Variants in DOCK1 observed in about 807,000 individuals in gnomAD.
DOCK1 encodes the protein dedicator of cytokinesis protein 1.
DOCK1 carries 138 observed loss-of-function variants against 262.7 expected under a neutral mutation model. The ratio of observed to expected loss-of-function variants is 0.53; its 90% CI spans 0.46 to 0.61. DOCK1 has a LOEUF of 0.61. DOCK1 is among the 20% of genes least tolerant of loss of function. The pLI, the probability that DOCK1 is intolerant of heterozygous loss-of-function variation, is 0.00. For synonymous variants in DOCK1, 866 were observed against 867.4 expected (o/e 1.00, Z 0.03); for missense variants, 1,908 against 2,370.7 (o/e 0.80, Z 4.05).
chr10:127,095,237 A>G (rs866987781), intron 23 of DOCK1, among the ~76,000 whole-genome samples: 3 of 152,072 alleles, frequency 2.0e-5, no homozygotes, highest in Admixed American at 6.5e-5. Context: ...GCTTTTTGCT[A>G]CGTGGTTTCT....
At chr10:127,443,439 C>T (rs1051862149) in intron 49 of DOCK1, among the ~76,000 whole-genome samples, 3 of 152,144 alleles carry the variant, frequency 2.0e-5, no homozygotes, top group Non-Finnish European at 4.4e-5. Flanking sequence ...TTATATTGGA[C>T]TGTTTTAAGC....
chr10:127,244,048 T>C (rs1306437551), intron 27 of DOCK1, among the ~76,000 whole-genome samples: 1 of 152,190 alleles, frequency 6.6e-6, no homozygotes, highest in East Asian at 1.9e-4. Context: ...GCATAATGTT[T>C]CTTGATTTAA....
intron 28 of DOCK1, among the ~76,000 whole-genome samples, chr10:127,249,364 C>CAT (rs1255775877): frequency 2.7e-5 from 4 of 150,514 alleles, no homozygotes; most frequent in Non-Finnish European, 5.9e-5. Flanking sequence ...CTTATATATA[C>CAT]ATATATATAC....
chr10:126,999,318 G>C (rs1270635146), intron 8 of DOCK1, 36 bp from the exon 9 acceptor site: 1 of 1,571,722 alleles, frequency 6.4e-7, no homozygotes, highest in South Asian at 1.1e-5. Flanking sequence ...CTGTTATTTG[G>C]AAAATTAACT....
At chr10:127,419,578 C>G (rs1412583977) in intron 45 of DOCK1, 88 bp from the exon 46 acceptor site, 5 of 1,276,330 alleles carry the variant, frequency 3.9e-6, no homozygotes, top group Non-Finnish European at 5.6e-6. Flanking sequence ...ATGCACAGCT[C>G]TATTCTCAGG....
chr10:127,195,529 C>A (rs1050001581), intron 27 of DOCK1, among the ~76,000 whole-genome samples: 1 of 152,064 alleles, frequency 6.6e-6, no homozygotes, highest in South Asian at 2.1e-4. Context: ...CTCATCCCCC[C>A]CCCGAAGTTA....
intron 44 of DOCK1, among the ~76,000 whole-genome samples, chr10:127,417,167 G>T (rs1385606428): frequency 6.6e-6 from 1 of 152,242 alleles, no homozygotes; most frequent in African/African-American, 2.4e-5. Context: ...TTGGGCATGG[G>T]TGGGGGCCCA....
At chr10:126,956,492 C>T (rs925975178) in intron 1 of DOCK1, among the ~76,000 whole-genome samples, 61 of 152,262 alleles carry the variant, frequency 4.0e-4, no homozygotes, top group African/African-American at 1.3e-3. Context: ...GAGCTGGGCC[C>T]GGCTGAGCTG....
intron 3 of DOCK1, among the ~76,000 whole-genome samples, chr10:126,981,339 C>T (rs555701729): frequency 6.6e-6 from 1 of 152,210 alleles, no homozygotes; most frequent in African/African-American, 2.4e-5. Context: ...TTCTCTTGGG[C>T]TCACATGTGC....
chr10:127,085,547 C>T (rs1224208798), intron 23 of DOCK1, among the ~76,000 whole-genome samples: 1 of 152,142 alleles, frequency 6.6e-6, no homozygotes, highest in Non-Finnish European at 1.5e-5. Flanking sequence ...ATCACGAGGT[C>T]AGGAGATTGA....
intron 29 of DOCK1, among the ~76,000 whole-genome samples, chr10:127,260,794 C>G (rs1382446593): frequency 1.1e-5 from 1 of 91,450 alleles, no homozygotes; most frequent in Non-Finnish European, 2.1e-5. Context: ...TGTGTGTGTA[C>G]CCGTGCTCAT....
At chr10:127,203,562 C>T (rs561265946) in intron 27 of DOCK1, among the ~76,000 whole-genome samples, 145 of 150,964 alleles carry the variant, frequency 9.6e-4, no homozygotes, top group Non-Finnish European at 1.8e-3. Context: ...GGGAAAAGTA[C>T]AGAATTAAAA....
chr10:127,381,321 T>G lies in DOCK1; in HGVS notation c.3760T>G (p.Tyr1254Asp). The change falls in exon 37 of 52, where the codon TAC becomes GAC. Residue 1254 changes from tyrosine (Y) to aspartate (D), a missense_variant. Physicochemically the swap from Tyr to Asp is radical, Grantham distance 160. Coordinates refer to ENST00000623213, the MANE Select transcript of DOCK1 (RefSeq NM_001290223.2). ...LCDLHKECDN[Y>D]TEAAYTLLLH... ...TGACCTGCACAAGGAGTGTGATAAC[T>G]ACACCGAAGCGGCTTACACCTTGCT... The G allele has an allele frequency of 6.2e-7, 1 of 1,613,302 alleles. No homozygotes were observed. Among genetic ancestry groups the G allele is most frequent in the Non-Finnish European group, 8.5e-7 (1 of 1,179,424 alleles).
intron 19 of DOCK1, among the ~76,000 whole-genome samples, chr10:127,039,636 G>T (rs914143878): frequency 1.3e-5 from 2 of 152,176 alleles, no homozygotes; most frequent in African/African-American, 4.8e-5. Flanking sequence ...TGAGCCTAGA[G>T]AGTGGAACTG....
At chr10:127,422,960 C>T (rs2068602542) in intron 46 of DOCK1, among the ~76,000 whole-genome samples, 1 of 152,018 alleles carries the variant, frequency 6.6e-6, no homozygotes, top group African/African-American at 2.4e-5. Flanking sequence ...TATGTCAGCA[C>T]TATGTCATCA....
intron 11 of DOCK1, 104 bp downstream of exon 11, chr10:127,008,908 A>C: frequency 8.9e-7 from 1 of 1,123,550 alleles, no homozygotes; most frequent in Non-Finnish European, 1.3e-6. Context: ...CTAAGGATTG[A>C]TTATTTTGTA....
chr10:127,058,275 T>G (rs1462687408), intron 22 of DOCK1, among the ~76,000 whole-genome samples: 4 of 152,058 alleles, frequency 2.6e-5, no homozygotes, highest in African/African-American at 9.7e-5. Flanking sequence ...GCATACAGAT[T>G]TATAATCATG....
intron 33 of DOCK1, among the ~76,000 whole-genome samples, chr10:127,371,066 A>C (rs141130405): frequency 6.6e-6 from 1 of 152,264 alleles, no homozygotes; most frequent in Non-Finnish European, 1.5e-5. Context: ...GAAGATAATA[A>C]GCATGATTTT....
chr10:127,395,095 T>A (rs1317295528), intron 38 of DOCK1, among the ~76,000 whole-genome samples: 1 of 152,202 alleles, frequency 6.6e-6, no homozygotes, highest in Non-Finnish European at 1.5e-5. Flanking sequence ...GAGCTCCTGA[T>A]GACATCTCGC....
Sources: gnomAD v4.1 joint callset for allele counts (sites outside exome capture counted in the v4.1 genomes callset) on GRCh38, gnomAD v4.1.1 for gene constraint, MANE v1.5 for transcripts, NCBI Gene and HGNC (gene_info 2026-07-23, HGNC 2026-07-21) for gene names.